Variants in LUC7L2 observed in about 807,000 individuals in gnomAD.
LUC7L2 encodes the protein putative RNA-binding protein Luc7-like 2.
A neutral mutation model predicts 52.8 loss-of-function variants in LUC7L2; 25 were observed. The ratio of observed to expected loss-of-function variants is 0.47; its 90% CI spans 0.34 to 0.66. The LOEUF is 0.66. Ranked by LOEUF, LUC7L2 falls within the 30% of genes least tolerant of loss-of-function variation. The pLI is 0.01. For missense variants in LUC7L2, 328 were observed against 497.8 expected (o/e 0.66, Z 3.25); for synonymous variants, 144 against 160.9 (o/e 0.89, Z 0.80).
intron 2 of LUC7L2, among the ~76,000 whole-genome samples, chr7:139,386,553 T>C (rs28599521): frequency 0.38 from 58,116 of 151,202 alleles, 15,611 homozygotes; most frequent in African/African-American, 0.77. Flanking sequence ...TACAGGCGCC[T>C]GCCACCACAC....
chr7:139,388,100 T>C (rs1794285642), intron 2 of LUC7L2, among the ~76,000 whole-genome samples: 1 of 152,192 alleles, frequency 6.6e-6, no homozygotes, highest in Non-Finnish European at 1.5e-5. Flanking sequence ...CAATTTAGCC[T>C]CTGAACCCCA....
At position 139,379,549 on chromosome 7, in the gene LUC7L2, C is replaced by CTT. The variant is rs539771697; in HGVS notation, c.156+3430_156+3431dup. Among the ~76,000 whole-genome samples, 7 of 52,722 alleles carry CTT rather than the reference C, an allele frequency of 1.3e-4. 1 individual carries two copies. Among genetic ancestry groups the CTT allele is most frequent in the African/African-American group, 4.4e-4 (5 of 11,450 alleles). The allele number at this position is 52,722 out of a possible 152,430, so 34.6% of individuals were successfully genotyped here. A position where few individuals can be genotyped will look rare whatever the true frequency, so the allele number is the denominator to read the frequency against. ...TTTCATTATTCTAGTATAACTAATG[C>CTT]TTTTTTTTTTTTTTTTTTTTTTTTT... On this transcript the variant is annotated intron_variant, in intron 2 of 9. Transcript: ENST00000354926.
chr7:139,365,527 G>C (rs1380287782), intron 1 of LUC7L2, among the ~76,000 whole-genome samples: 1 of 152,080 alleles, frequency 6.6e-6, no homozygotes, highest in Non-Finnish European at 1.5e-5. Flanking sequence ...TAGTGAATCA[G>C]GTACTCTTCA....
At chr7:139,344,221 G>T (rs1799146783) in intron 1 of LUC7L2, among the ~76,000 whole-genome samples, 1 of 152,114 alleles carries the variant, frequency 6.6e-6, no homozygotes, top group Non-Finnish European at 1.5e-5. Flanking sequence ...TTTCAAGATG[G>T]ATAAGCAAAT....
intron 1 of LUC7L2, chr7:139,345,632 G>T: frequency 1.2e-6 from 2 of 1,614,146 alleles, no homozygotes; most frequent in South Asian, 1.1e-5. Flanking sequence ...GTGAGCGCTC[G>T]GTGGAGGAGT....
At position 139,360,312 on chromosome 7, in the gene LUC7L2, C is replaced by G. The variant is rs1487865302; in HGVS notation, c.51C>G (p.Thr17=). ...CGATGCTGGACCAGTTGATGGGCAC[C>G]TCCCGGGACGGTAAGTCTCTGCCAG... ...MRAMLDQLMG[T]SRDGDTTRQR... is the part of the protein sequence containing the mutation. The change falls in exon 1 of 10, where the codon ACC becomes ACG. Residue 17 remains threonine, a synonymous_variant. Transcript: ENST00000354926. The G allele has an allele frequency of 1.3e-6, 2 of 1,570,316 alleles. No individual in the cohort carries two copies. Among genetic ancestry groups the G allele is most frequent in the South Asian group, 1.2e-5 (1 of 85,772 alleles).
At position 139,360,324 on chromosome 7, in the gene LUC7L2, T is replaced by C; in HGVS notation, c.61+2T>C. ...AGTTGATGGGCACCTCCCGGGACGG[T>C]AAGTCTCTGCCAGGGCCCTGGGGGT... On this transcript the variant is annotated splice_donor_variant, in intron 1 of 9. Transcript: ENST00000354926. LOFTEE classifies it high-confidence loss of function. The C allele has an allele frequency of 6.4e-7, 1 of 1,563,666 alleles. No homozygotes were observed. The highest frequency in any genetic ancestry group is 8.7e-7 in the Non-Finnish European group (1 of 1,155,082).
At chr7:139,363,192 A>G (rs1585075530) in intron 1 of LUC7L2, 5 of 985,174 alleles carry the variant, frequency 5.1e-6, no homozygotes, top group Non-Finnish European at 6.0e-6. Context: ...GGTGGTGGCA[A>G]CCGCCTGTGT....
At position 139,422,448 on chromosome 7, in the gene LUC7L2, A is replaced by T; in HGVS notation, c.*108A>T. 6.8e-7 allele frequency: 1 copy of T among 1,479,952 alleles called. No individual in the cohort carries two copies. The highest frequency in any genetic ancestry group is 2.6e-5 in the Admixed American group (1 of 38,492). 91.7% of individuals were successfully genotyped at this position (1,479,952 alleles called of 1,614,324 possible). A position where few individuals can be genotyped will look rare whatever the true frequency, so the allele number is the denominator to read the frequency against. On this transcript the variant is annotated 3_prime_UTR_variant, in exon 10 of 10. Coordinates refer to ENST00000354926, the MANE Select transcript of LUC7L2 (RefSeq NM_016019.5). Reference sequence around the variant, plus strand: ...GTGAGCAGATCCAGACACCAGATCCAGCTAGGCTAGATGTACAGTATCTAA... The same window carrying T: ...GTGAGCAGATCCAGACACCAGATCCTGCTAGGCTAGATGTACAGTATCTAA...
chr7:139,359,212 C>T (rs1799724203), upstream of LUC7L2: 1 of 152,272 alleles, frequency 6.6e-6, no homozygotes, highest in African/African-American at 2.4e-5. Flanking sequence ...GATCGCCTCC[C>T]CAGTAGCTGA....
chr7:139,345,683 A>C, intron 1 of LUC7L2: 1 of 1,614,102 alleles, frequency 6.2e-7, no homozygotes, highest in Non-Finnish European at 8.5e-7. Flanking sequence ...ATCAGCCTGG[A>C]GGGAAGGGCT....
chr7:139,357,387 C>T (rs1799636974), upstream of LUC7L2, among the ~76,000 whole-genome samples: 1 of 152,056 alleles, frequency 6.6e-6, no homozygotes, highest in Non-Finnish European at 1.5e-5. Context: ...ATTGTATAGA[C>T]TATTTTTAAG....
intron 1 of LUC7L2, among the ~76,000 whole-genome samples, chr7:139,370,349 G>A (rs1800381698): frequency 6.6e-6 from 1 of 152,212 alleles, no homozygotes; most frequent in South Asian, 2.1e-4. Flanking sequence ...GAGTGGGTGA[G>A]AAAGTTTGAG....
chr7:139,389,812 C>T (rs942606247), intron 2 of LUC7L2, among the ~76,000 whole-genome samples: 1 of 152,146 alleles, frequency 6.6e-6, no homozygotes, highest in African/African-American at 2.4e-5. Flanking sequence ...GAGCTTATAT[C>T]CCATTGCAAT....
intron 8 of LUC7L2, among the ~76,000 whole-genome samples, chr7:139,415,457 A>G (rs10236179): frequency 0.011 from 1,640 of 152,248 alleles, 32 homozygotes; most frequent in African/African-American, 0.038. Flanking sequence ...GGCATTCATA[A>G]TAACTCAAAA....
intron 2 of LUC7L2, 63 bp downstream of exon 2, chr7:139,376,219 A>T: frequency 1.3e-6 from 2 of 1,539,228 alleles, no homozygotes; most frequent in Non-Finnish European, 8.9e-7. Context: ...CTACTTGATA[A>T]AGTCTTAATT....
At chr7:139,407,450 T>C in intron 6 of LUC7L2, 100 bp downstream of exon 6, 1 of 1,337,574 alleles carries the variant, frequency 7.5e-7, no homozygotes, top group Non-Finnish European at 9.9e-7. Context: ...AGTAATATAG[T>C]ATCTAATGAT....
At chr7:139,395,679 C>T (rs1339690230) in intron 2 of LUC7L2, among the ~76,000 whole-genome samples, 2 of 152,166 alleles carry the variant, frequency 1.3e-5, no homozygotes, top group East Asian at 3.9e-4. Flanking sequence ...CTAGCTCTGT[C>T]ACCCAGGCTG....
intron 1 of LUC7L2, among the ~76,000 whole-genome samples, chr7:139,350,569 C>T (rs1799422307): frequency 6.6e-6 from 1 of 152,094 alleles, no homozygotes; most frequent in African/African-American, 2.4e-5. Flanking sequence ...ACCTTCAGGA[C>T]ACCAAACCCA....
Sources: allele counts gnomAD v4.1 joint callset (sites outside exome capture counted in the v4.1 genomes callset), GRCh38; gene constraint gnomAD v4.1.1; transcripts MANE v1.5; gene names NCBI Gene and HGNC (gene_info 2026-07-23, HGNC 2026-07-21).